The following RNFT2 variants were observed in gnomAD, a reference collection of about 807,000 sequenced individuals.
RNFT2 encodes ring finger protein, transmembrane 2.
Under a neutral mutation model 53.0 loss-of-function variants are expected in RNFT2, and 36 were observed. The observed-to-expected ratio is 0.68, with a 90% confidence interval of 0.52 to 0.90. RNFT2 has a LOEUF of 0.90. Among genes scored for constraint, RNFT2 ranks in the 40% least tolerant of loss-of-function variants. RNFT2 has a pLI of 0.00. For missense variants in RNFT2, 514 were observed against 585.6 expected (o/e 0.88, Z 1.26); for synonymous variants, 260 against 253.2 (o/e 1.03, Z -0.26).
intron 7 of RNFT2, among the ~76,000 whole-genome samples, chr12:116,805,489 T>TTG (rs1875001616): frequency 6.6e-6 from 1 of 152,144 alleles, no homozygotes; most frequent in Admixed American, 6.5e-5. Context: ...TGTTGTTGTT[T>TTG]TTTGACACAG....
intron 4 of RNFT2, among the ~76,000 whole-genome samples, chr12:116,750,812 ATATATAT>A (rs1872163585): frequency 2.2e-4 from 1 of 4,548 alleles, no homozygotes; most frequent in Admixed American, 5.0e-3. Flanking sequence ...TATATATAAT[ATATATAT>A]TATATATATA....
intron 7 of RNFT2, among the ~76,000 whole-genome samples, chr12:116,784,363 C>T (rs1873841080): frequency 6.6e-6 from 1 of 152,212 alleles, no homozygotes; most frequent in Admixed American, 6.5e-5. Context: ...TGGCCCCGGT[C>T]ATTTTGTGTA....
chr12:116,774,126 G>T (rs1873317530), intron 6 of RNFT2, among the ~76,000 whole-genome samples: 1 of 152,216 alleles, frequency 6.6e-6, no homozygotes, highest in Non-Finnish European at 1.5e-5. Context: ...AATGGCGGTT[G>T]CCAGGGACTG....
chr12:116,749,898 G>T lies in RNFT2; in HGVS notation c.141G>T (p.Glu47Asp). The change falls in exon 4 of 11, where the codon GAG becomes GAT. Residue 47 changes from glutamate (E) to aspartate (D), a missense_variant. Physicochemically the swap from Glu to Asp is conservative, Grantham distance 45. Transcript: ENST00000257575. ...EASVDEGGVFESLKAEAASPP... is the reference protein window; with the variant it reads ...EASVDEGGVFDSLKAEAASPP... ...GTGTGGATGAAGGTGGCGTCTTTGA[G>T]AGTCTGAAGGCAGAGGCAGCCTCCC... is the stretch of plus-strand genomic sequence containing the variant. 6.3e-7 allele frequency: 1 copy of T among 1,588,904 alleles called. No homozygotes were observed. Among genetic ancestry groups the T allele is most frequent in the East Asian group, 2.3e-5 (1 of 43,696 alleles).
In RNFT2 at chr12:116,849,728, T is replaced by A; in HGVS notation, c.*280T>A. 1 of 1,201,426 alleles carries A rather than the reference T, an allele frequency of 8.3e-7. No individual in the cohort carries two copies. The highest frequency in any genetic ancestry group is 4.2e-5 in the South Asian group (1 of 23,532). The allele number at this position is 1,201,426 out of a possible 1,614,324, so 74.4% of individuals were successfully genotyped here. On this transcript the variant is annotated 3_prime_UTR_variant, in exon 11 of 11. Transcript: ENST00000257575. ...ATGCATCTTCCTTCTCCACTCCAAGTCAAGGACCTGGCAATACATGAAGTT... is the reference window on the plus strand; with the variant it reads ...ATGCATCTTCCTTCTCCACTCCAAGACAAGGACCTGGCAATACATGAAGTT...
At chr12:116,776,406 C>T (rs1321257562) in intron 6 of RNFT2, among the ~76,000 whole-genome samples, 1 of 152,182 alleles carries the variant, frequency 6.6e-6, no homozygotes, top group Non-Finnish European at 1.5e-5. Flanking sequence ...AATCCACCAA[C>T]CAGCCTGGGA....
chr12:116,768,736 C>CT (rs1555260486), intron 6 of RNFT2, among the ~76,000 whole-genome samples: 146 of 142,870 alleles, frequency 1.0e-3, no homozygotes, highest in Middle Eastern at 7.4e-3. Context: ...TTTTCTCTCT[C>CT]TTTTTTTTTT....
At chr12:116,832,136 A>ATATATATATATATAT (rs1363507539) in intron 7 of RNFT2, among the ~76,000 whole-genome samples, 3 of 51,930 alleles carry the variant, frequency 5.8e-5, no homozygotes, top group African/African-American at 1.8e-4. Context: ...GTCTCAAAAA[A>ATATATATATATATAT]AAAAAAAAAA....
At chr12:116,755,549 A>G in intron 5 of RNFT2, 3 of 848,730 alleles carry the variant, frequency 3.5e-6, no homozygotes, top group South Asian at 1.3e-5. Context: ...ATTTTCCTTC[A>G]TGCATTTCAG....
intron 7 of RNFT2, chr12:116,801,475 C>T (rs1307098694): frequency 1.3e-5 from 2 of 152,338 alleles, no homozygotes; most frequent in East Asian, 3.9e-4. Flanking sequence ...GAAGTTCTAG[C>T]TCCTTCTGCC....
intron 7 of RNFT2, among the ~76,000 whole-genome samples, chr12:116,832,146 A>ATATATATATATATATATATATATATATAT (rs59112507): frequency 1.4e-5 from 1 of 71,094 alleles, no homozygotes; most frequent in Non-Finnish European, 2.7e-5. Context: ...AAAAAAAAAA[A>ATATATATATATATATATATATATATATAT]AAATATATAT....
At chr12:116,790,993 A>G (rs1874206582) in intron 7 of RNFT2, among the ~76,000 whole-genome samples, 1 of 152,190 alleles carries the variant, frequency 6.6e-6, no homozygotes, top group Admixed American at 6.5e-5. Context: ...AAAATAAACC[A>G]TTAATCATTT....
chr12:116,820,758 C>T (rs1875971730), intron 7 of RNFT2, among the ~76,000 whole-genome samples: 1 of 152,128 alleles, frequency 6.6e-6, no homozygotes, highest in Admixed American at 6.5e-5. Context: ...CAACTTCGAA[C>T]AACATACCCT....
intron 3 of RNFT2, among the ~76,000 whole-genome samples, chr12:116,743,487 C>T (rs886078362): frequency 7.2e-5 from 11 of 151,982 alleles, no homozygotes; most frequent in East Asian, 1.9e-4. Flanking sequence ...AGGCTGGTCT[C>T]GAACTCCTGA....
chr12:116,836,919 G>A (rs1272792138), intron 10 of RNFT2, among the ~76,000 whole-genome samples: 1 of 151,272 alleles, frequency 6.6e-6, no homozygotes, highest in African/African-American at 2.4e-5. Flanking sequence ...AACAGAGCAA[G>A]ACTACATCTC....
chr12:116,758,405 T>C (rs1872582674), intron 5 of RNFT2, among the ~76,000 whole-genome samples: 1 of 152,212 alleles, frequency 6.6e-6, no homozygotes, highest in Non-Finnish European at 1.5e-5. Flanking sequence ...TTTTTGTTTT[T>C]GCTTTTTAAC....
At chr12:116,772,339 G>A (rs901980660) in intron 6 of RNFT2, among the ~76,000 whole-genome samples, 7 of 152,122 alleles carry the variant, frequency 4.6e-5, no homozygotes, top group East Asian at 1.9e-4. Context: ...ACAGAGTCTC[G>A]CTCTGTCACC....
At chr12:116,764,610 G>A (rs958417479) in intron 5 of RNFT2, among the ~76,000 whole-genome samples, 6 of 152,156 alleles carry the variant, frequency 3.9e-5, no homozygotes, top group Non-Finnish European at 5.9e-5. Context: ...CAGTAGGAGG[G>A]GGCAAGGACA....
intron 7 of RNFT2, among the ~76,000 whole-genome samples, chr12:116,809,220 TTCATCAC>T (rs1875240160): frequency 8.4e-6 from 1 of 119,612 alleles, no homozygotes; most frequent in African/African-American, 3.0e-5. Context: ...CATTCATTCA[TTCATCAC>T]CTGGGAGCAG....
Sources: gnomAD v4.1 joint callset for allele counts (sites outside exome capture counted in the v4.1 genomes callset) on GRCh38, gnomAD v4.1.1 for gene constraint, MANE v1.5 for transcripts, NCBI Gene and HGNC (gene_info 2026-07-23, HGNC 2026-07-21) for gene names.